The following AGBL1 variants were observed in gnomAD, a reference collection of about 807,000 sequenced individuals.
AGBL1 encodes cytosolic carboxypeptidase 4.
In AGBL1, 130 loss-of-function variants were observed where a neutral mutation model predicts 118.9. That is an observed-to-expected ratio of 1.09 (90% CI 0.95 to 1.26). The LOEUF (loss-of-function observed/expected upper bound fraction) is 1.26, where lower values mean the gene tolerates loss of function less well. Among genes scored for constraint, AGBL1 ranks in the 50% most tolerant of loss-of-function variants. The probability of loss-of-function intolerance (pLI) is 0.00; values close to 1 mark genes in which losing one functional copy is unlikely to be tolerated. For missense variants in AGBL1, 1,584 were observed against 1,298.1 expected, an observed-to-expected ratio of 1.22 and a Z score of -3.38; for synonymous variants, 555 against 478.9, an observed-to-expected ratio of 1.16 and a Z score of -2.08.
At chr15:86,684,463 C>CTTTTTTTTTTTTTTTT (rs11436174) in intron 22 of AGBL1, among the ~76,000 whole-genome samples, 1 of 145,996 alleles carries the variant, frequency 6.8e-6, no homozygotes, top group Non-Finnish European at 1.5e-5. Context: ...ATAGTTCTCT[C>CTTTTTTTTTTTTTTTT]TTTTTTTTTT....
intron 18 of AGBL1, among the ~76,000 whole-genome samples, chr15:86,422,752 A>T (rs2081809585): frequency 6.6e-6 from 1 of 152,210 alleles, no homozygotes; most frequent in Admixed American, 6.5e-5. Context: ...ATAAAAAATG[A>T]TAAAGGGGAG....
At chr15:86,853,122 G>C (rs929899524) in intron 22 of AGBL1, among the ~76,000 whole-genome samples, 1 of 152,158 alleles carries the variant, frequency 6.6e-6, no homozygotes, top group Non-Finnish European at 1.5e-5. Flanking sequence ...CAAGGCATCA[G>C]AATTCTGACA....
intron 20 of AGBL1, among the ~76,000 whole-genome samples, chr15:86,553,083 C>T (rs1185858303): frequency 6.6e-6 from 1 of 152,122 alleles, no homozygotes; most frequent in Admixed American, 6.6e-5. Context: ...CATTTGTATT[C>T]TCATTAACTT....
At chr15:86,566,649 A>C (rs369084907) in intron 21 of AGBL1, among the ~76,000 whole-genome samples, 1 of 152,136 alleles carries the variant, frequency 6.6e-6, no homozygotes, top group African/African-American at 2.4e-5. Context: ...TGCGCAGCCC[A>C]GATGGGACAC....
chr15:86,872,082 T>A (rs1240499178), intron 22 of AGBL1, among the ~76,000 whole-genome samples: 2 of 152,154 alleles, frequency 1.3e-5, no homozygotes, highest in East Asian at 1.9e-4. Flanking sequence ...CAGAAGCATA[T>A]CTAGAACTCA....
intron 21 of AGBL1, among the ~76,000 whole-genome samples, chr15:86,555,810 T>C (rs1464777036): frequency 6.6e-6 from 1 of 152,220 alleles, no homozygotes. Flanking sequence ...GTACAAGGTT[T>C]TGTAGGGACT....
chr15:86,154,187 T>G (rs1377877884), intron 3 of AGBL1, among the ~76,000 whole-genome samples: 1 of 152,190 alleles, frequency 6.6e-6, no homozygotes, highest in Non-Finnish European at 1.5e-5. Flanking sequence ...AACCTAAATA[T>G]AGGGGCTTGA....
intron 5 of AGBL1, among the ~76,000 whole-genome samples, chr15:86,174,432 C>G (rs1382929226): frequency 6.6e-6 from 1 of 151,832 alleles, no homozygotes; most frequent in Non-Finnish European, 1.5e-5. Context: ...ATTTAAGTGC[C>G]TTTTATTTCT....
intron 22 of AGBL1, among the ~76,000 whole-genome samples, chr15:86,714,337 A>G (rs760888290): frequency 1.3e-5 from 2 of 152,172 alleles, no homozygotes; most frequent in Non-Finnish European, 2.9e-5. Context: ...CTGAGCTGAG[A>G]GGGAAGGGCA....
At chr15:86,600,377 G>A (rs2084474584) in intron 21 of AGBL1, among the ~76,000 whole-genome samples, 1 of 152,140 alleles carries the variant, frequency 6.6e-6, no homozygotes, top group East Asian at 1.9e-4. Context: ...TATCAGACAG[G>A]TGGTACATGT....
At chr15:86,336,537 G>A (rs941561882) in intron 17 of AGBL1, among the ~76,000 whole-genome samples, 8 of 152,308 alleles carry the variant, frequency 5.3e-5, no homozygotes, top group South Asian at 2.1e-4. Flanking sequence ...CAACTGTTGC[G>A]TGAGAGTTGG....
At chr15:86,689,013 C>T (rs868311242) in intron 22 of AGBL1, among the ~76,000 whole-genome samples, 103 of 152,048 alleles carry the variant, frequency 6.8e-4, no homozygotes, top group Admixed American at 4.6e-4. Flanking sequence ...AATACTTTTG[C>T]GAATTACTCG....
At chr15:86,277,802 C>T (rs377368755) in intron 15 of AGBL1, among the ~76,000 whole-genome samples, 1 of 152,202 alleles carries the variant, frequency 6.6e-6, no homozygotes, top group African/African-American at 2.4e-5. Context: ...GCACAAGGTG[C>T]GTGTTTCCAT....
At chr15:86,539,413 G>C (rs577798768) in intron 19 of AGBL1, among the ~76,000 whole-genome samples, 59 of 152,038 alleles carry the variant, frequency 3.9e-4, no homozygotes, top group Admixed American at 8.5e-4. Context: ...CCTTAAGCTA[G>C]GCCCTTCTCA....
At chr15:86,972,354 T>C (rs1390202212) in intron 23 of AGBL1, among the ~76,000 whole-genome samples, 3 of 152,056 alleles carry the variant, frequency 2.0e-5, no homozygotes, top group African/African-American at 7.2e-5. Context: ...CGTGAAATTC[T>C]AGTAGGTCTG....
intron 21 of AGBL1, among the ~76,000 whole-genome samples, chr15:86,640,075 A>T (rs1036391513): frequency 1.3e-5 from 2 of 152,172 alleles, no homozygotes; most frequent in Non-Finnish European, 2.9e-5. Context: ...CTCTATATAC[A>T]TGTCATAGTT....
chr15:86,157,023 C>T (rs187425019), intron 4 of AGBL1, among the ~76,000 whole-genome samples: 103 of 152,182 alleles, frequency 6.8e-4, no homozygotes, highest in Non-Finnish European at 1.2e-3. Flanking sequence ...CTCCTGACCT[C>T]AGGTGATCCA....
At chr15:86,572,074 C>T (rs1480611526) in intron 21 of AGBL1, among the ~76,000 whole-genome samples, 1 of 152,192 alleles carries the variant, frequency 6.6e-6, no homozygotes, top group Non-Finnish European at 1.5e-5. Flanking sequence ...CATATCTGGC[C>T]AGGCTGTGAC....
chr15:86,544,072 T>C (rs1203564509), intron 19 of AGBL1, among the ~76,000 whole-genome samples: 4 of 152,184 alleles, frequency 2.6e-5, no homozygotes, highest in African/African-American at 9.7e-5. Flanking sequence ...AACAAATATT[T>C]AGACTAGGAG....
Sources: allele counts gnomAD v4.1 joint callset (sites outside exome capture counted in the v4.1 genomes callset), GRCh38; gene constraint gnomAD v4.1.1; transcripts MANE v1.5; gene names NCBI Gene and HGNC (gene_info 2026-07-23, HGNC 2026-07-21).